Variants in CENPF observed in about 807,000 individuals in gnomAD.
CENPF encodes the protein centromere protein F, also known as AH antigen.
Under a neutral mutation model 307.3 loss-of-function variants are expected in CENPF, and 214 were observed. The ratio of observed to expected loss-of-function variants is 0.70; its 90% CI spans 0.62 to 0.78. The LOEUF (loss-of-function observed/expected upper bound fraction) is 0.78. Among genes scored for constraint, CENPF ranks in the 30% least tolerant of loss-of-function variants. CENPF has a pLI of 0.00. For synonymous variants in CENPF, 1,259 were observed against 1,270.6 expected, an observed-to-expected ratio of 0.99 and a Z score of 0.19; for missense variants, 3,401 against 3,483.9, an observed-to-expected ratio of 0.98 and a Z score of 0.60.
Position 214,614,811 on chromosome 1 carries a change from C to T in CENPF, c.163-21C>T, listed in dbSNP as rs747131705. The T allele has an allele frequency of 3.0e-5, 46 of 1,511,486 alleles. No homozygotes were observed. In the East Asian group the frequency reaches 1.0e-3, roughly 33 times the overall value. The allele number at this position is 1,511,486 out of a possible 1,614,324, so 93.6% of individuals were successfully genotyped here. On this transcript the variant is annotated intron_variant, in intron 2 of 19. Coordinates refer to ENST00000366955, the MANE Select transcript of CENPF (RefSeq NM_016343.4). Reference sequence around the variant, plus strand: ...ATTCACAAAATAAGGGAGTTATTGTCTTCTGAACAATTCTCATTAGGTTGA... The same window carrying T: ...ATTCACAAAATAAGGGAGTTATTGTTTTCTGAACAATTCTCATTAGGTTGA...
chr1:214,606,141 G>C, intron 1 of CENPF: 1 of 1,467,408 alleles, frequency 6.8e-7, no homozygotes, highest in Non-Finnish European at 9.1e-7. Context: ...TCCCGCCAGC[G>C]GGCGTCCCCG....
intron 1 of CENPF, among the ~76,000 whole-genome samples, chr1:214,609,191 C>T (rs1265284145): frequency 6.6e-6 from 1 of 152,112 alleles, no homozygotes. Flanking sequence ...TCGCCACCGC[C>T]GCAGCTCCCC....
In CENPF at chr1:214,657,294, C is replaced by T; in HGVS notation, c.8847C>T (p.Thr2949=). 1 of 1,613,986 alleles carries T rather than the reference C, an allele frequency of 6.2e-7. No individual in the cohort carries two copies. Among genetic ancestry groups the T allele is most frequent in the Non-Finnish European group, 8.5e-7 (1 of 1,179,990 alleles). ...WENGRGPTPA[T]PESFSKKSKK... ...ATGGTAGAGGACCAACACCTGCTAC[C>T]CCAGAGAGCTTTTCTAAAAAAAGCA... The change falls in exon 18 of 20, where the codon ACC becomes ACT. Residue 2949 remains threonine, a synonymous_variant. Coordinates refer to ENST00000366955, the MANE Select transcript of CENPF (RefSeq NM_016343.4).
intron 7 of CENPF, among the ~76,000 whole-genome samples, chr1:214,628,061 G>T (rs1657703054): frequency 6.6e-6 from 1 of 152,152 alleles, no homozygotes; most frequent in African/African-American, 2.4e-5. Flanking sequence ...AGATAAAAAG[G>T]TCCGGAGTGA....
chr1:214,663,705 G>A lies in CENPF; in HGVS notation c.9256G>A (p.Glu3086Lys). ...PERSPTDSPR[E>K]GLRVKRGRLV... Reference sequence around the variant, plus strand: ...GAGAAGTCCGACTGACAGCCCCAGAGAGGGCCTGAGGGTCAAGCGAGGCCG... The same window carrying A: ...GAGAAGTCCGACTGACAGCCCCAGAAAGGGCCTGAGGGTCAAGCGAGGCCG... The change falls in exon 20 of 20, where the codon GAG becomes AAG. Residue 3086 changes from glutamate to lysine, a missense_variant. By Grantham distance (56) the Glu-to-Lys change is moderately conservative. Transcript: ENST00000366955. The A allele has an allele frequency of 6.2e-7, 1 of 1,614,058 alleles. No homozygotes were observed. The highest frequency in any genetic ancestry group is 8.5e-7 in the Non-Finnish European group (1 of 1,180,026).
chr1:214,663,606 C>T lies in CENPF; in HGVS notation c.9157C>T (p.Arg3053Trp), dbSNP rs140950062. The T allele has an allele frequency of 1.0e-4, 161 of 1,614,042 alleles. No homozygotes were observed. The highest frequency in any genetic ancestry group is 2.9e-4 in the African/African-American group (22 of 75,014). Reference sequence around the variant, plus strand: ...TGTGTTGCAGGTCAAAGTTGCTCAGCGGAGCCCAGTAGATTCAGGCACCAT... The same window carrying T: ...TGTGTTGCAGGTCAAAGTTGCTCAGTGGAGCCCAGTAGATTCAGGCACCAT... ...SRSQKVKVAQ[R>W]SPVDSGTILR... The change falls in exon 20 of 20, where the codon CGG becomes TGG. Residue 3053 changes from arginine (R) to tryptophan (W), a missense_variant. By Grantham distance (101) the Arg-to-Trp change is moderately radical. Transcript: ENST00000366955.
chr1:214,637,060 G>T (rs552413612), intron 10 of CENPF, among the ~76,000 whole-genome samples: 1 of 152,320 alleles, frequency 6.6e-6, no homozygotes, highest in South Asian at 2.1e-4. Flanking sequence ...AACTACACAT[G>T]TACCTGTGTT....
chr1:214,603,867 T>A (rs148506739), intron 1 of CENPF, among the ~76,000 whole-genome samples: 1 of 151,990 alleles, frequency 6.6e-6, no homozygotes, highest in Non-Finnish European at 1.5e-5. Flanking sequence ...CTCCCTATAT[T>A]GCCTAGGCTG....
rs898534582 is a variant in CENPF, at chr1:214,659,751, C to T, written c.9141+723C>T. ...ATAAAAGAGTGAAGAACGTGAGACT[C>T]ATAAAGATGTAACCTCCCAGTGTGA... On this transcript the variant is annotated intron_variant, in intron 19 of 19. Transcript: ENST00000366955. This position sits in a 1 kb window ranked among gnomAD's most constrained non-coding sequence, Gnocchi z 4.4. Among the ~76,000 whole-genome samples, 3 of 152,192 alleles carry T rather than the reference C, an allele frequency of 2.0e-5. No individual in the cohort carries two copies. Among genetic ancestry groups the T allele is most frequent in the Non-Finnish European group, 4.4e-5 (3 of 68,040 alleles).
chr1:214,608,713 G>T, intron 1 of CENPF: 1 of 1,595,344 alleles, frequency 6.3e-7, no homozygotes, highest in Non-Finnish European at 8.5e-7. Flanking sequence ...ACCAGGCCCC[G>T]GCTCGGGCTC....
chr1:214,605,160 A>C (rs754078703), intron 1 of CENPF, among the ~76,000 whole-genome samples: 1 of 152,194 alleles, frequency 6.6e-6, no homozygotes, highest in African/African-American at 2.4e-5. Context: ...ATTTTCTTCC[A>C]GCTGATTTCT....
intron 13 of CENPF, chr1:214,647,936 CT>C (rs905760306): frequency 2.0e-6 from 1 of 489,050 alleles, no homozygotes; most frequent in Non-Finnish European, 4.1e-6. Flanking sequence ...CCTCTTATAC[CT>C]TCTCTTTGTG....
In CENPF at chr1:214,630,526, T is replaced by A; in HGVS notation, c.1195-8T>A. On this transcript the variant is annotated splice_region_variant and splice_polypyrimidine_tract_variant and intron_variant, in intron 8 of 19. Coordinates refer to ENST00000366955, the MANE Select transcript of CENPF (RefSeq NM_016343.4). ...ATCAGGCTGATGCACCTGCCCTTTG[T>A]TTTTCAGGAGCTCTCCCGTCAACAG... is the stretch of plus-strand genomic sequence containing the variant. 1 of 1,613,888 alleles carries A rather than the reference T, an allele frequency of 6.2e-7. No individual in the cohort carries two copies. Among genetic ancestry groups the A allele is most frequent in the South Asian group, 1.1e-5 (1 of 91,018 alleles).
chr1:214,610,023 T>C, intron 1 of CENPF, among the ~76,000 whole-genome samples: 1 of 151,142 alleles, frequency 6.6e-6, no homozygotes, highest in African/African-American at 2.4e-5. Flanking sequence ...ATGTGCCTTT[T>C]TTTTTTTTTT....
chr1:214,646,153 G>A lies in CENPF; in HGVS notation c.6583G>A (p.Ala2195Thr). 1 of 1,613,532 alleles carries A rather than the reference G, an allele frequency of 6.2e-7. No homozygotes were observed. Among genetic ancestry groups the A allele is most frequent in the Non-Finnish European group, 8.5e-7 (1 of 1,179,904 alleles). ...ETLKTQIEEM[A>T]RSLKVFELDL... ...TCTAAAAACACAAATAGAAGAGATG[G>A]CCAGAAGCCTGAAAGTTTTTGAATT... Residue 2195 changes from alanine to threonine, a missense_variant, in exon 13 of 20, where the codon GCC becomes ACC. Ala to Thr is a moderately conservative substitution (Grantham distance 58, BLOSUM62 0). Transcript: ENST00000366955.
chr1:214,642,792 C>G lies in CENPF; in HGVS notation c.4454C>G (p.Ser1485Cys). 1 of 1,613,930 alleles carries G rather than the reference C, an allele frequency of 6.2e-7. No homozygotes were observed. The highest frequency in any genetic ancestry group is 1.1e-5 in the South Asian group (1 of 91,052). ...TCATCCTCTTGTGTGCCTGACAGCT[C>G]TAGTCTTAGCAGTTTGGGAGACTCC... ...SLSSSCVPDS[S>C]SLSSLGDSSF... The change falls in exon 12 of 20, where the codon TCT (serine) becomes TGT (cysteine). Residue 1485 changes from serine to cysteine, a missense_variant. Physicochemically the swap from Ser to Cys is moderately radical, Grantham distance 112. Transcript: ENST00000366955.
intron 1 of CENPF, chr1:214,613,322 T>C: frequency 3.9e-6 from 1 of 254,560 alleles, no homozygotes; most frequent in South Asian, 5.7e-5. Context: ...CCTACCTTTT[T>C]CTGGCCTTCT....
chr1:214,620,128 TAGAA>T (rs1657465351), intron 5 of CENPF, among the ~76,000 whole-genome samples: 1 of 152,180 alleles, frequency 6.6e-6, no homozygotes, highest in Non-Finnish European at 1.5e-5. Context: ...GAGAGAAGCA[TAGAA>T]AGAACAATGC....
At chr1:214,605,438 TTTG>T in intron 1 of CENPF, 1 of 506,846 alleles carries the variant, frequency 2.0e-6, no homozygotes, top group Non-Finnish European at 3.5e-6. Context: ...AAGAATCCGC[TTTG>T]TTTTTTTTTT....
Sources: allele counts gnomAD v4.1 joint callset (sites outside exome capture counted in the v4.1 genomes callset), GRCh38; gene constraint gnomAD v4.1.1; non-coding constraint Gnocchi (gnomAD v3.1); transcripts MANE v1.5; gene names NCBI Gene and HGNC (gene_info 2026-07-23, HGNC 2026-07-21).